The following CENPC variants were observed in gnomAD, a reference collection of about 807,000 sequenced individuals.
CENPC encodes CENP-C 1.
CENPC carries 63 observed loss-of-function variants against 112.1 expected under a neutral mutation model. The ratio of observed to expected loss-of-function variants is 0.56; its 90% confidence interval spans 0.46 to 0.69. CENPC has a LOEUF of 0.69. Ranked by LOEUF, CENPC falls within the 30% of genes least tolerant of loss-of-function variation. CENPC has a pLI of 0.00. For synonymous variants in CENPC, 333 were observed against 367.6 expected, an observed-to-expected ratio of 0.91 and a Z score of 1.08; for missense variants, 1,000 against 1,103.8, an observed-to-expected ratio of 0.91 and a Z score of 1.33.
chr4:67,536,283 T>C (rs975119668), intron 4 of CENPC, among the ~76,000 whole-genome samples: 1 of 151,928 alleles, frequency 6.6e-6, no homozygotes, highest in South Asian at 2.1e-4. Context: ...ATATAAAAAA[T>C]GCAATAGATC....
At chr4:67,482,937 G>A (rs1267617454) in intron 17 of CENPC, among the ~76,000 whole-genome samples, 1 of 152,184 alleles carries the variant, frequency 6.6e-6, no homozygotes, top group Non-Finnish European at 1.5e-5. Context: ...TGTCATGGGA[G>A]GGACCTAGTG....
At chr4:67,513,397 C>T (rs1367903108) in intron 8 of CENPC, among the ~76,000 whole-genome samples, 1 of 152,026 alleles carries the variant, frequency 6.6e-6, no homozygotes, top group African/African-American at 2.4e-5. Flanking sequence ...AATCTAGATA[C>T]AGAATATATG....
chr4:67,520,106 G>T (rs1353651289), intron 5 of CENPC, among the ~76,000 whole-genome samples: 1 of 152,162 alleles, frequency 6.6e-6, no homozygotes. Context: ...GTGAAAGACA[G>T]GGTGGAGGCT....
intron 17 of CENPC, among the ~76,000 whole-genome samples, chr4:67,489,303 G>C (rs1259087959): frequency 6.6e-6 from 1 of 151,734 alleles, no homozygotes; most frequent in African/African-American, 2.4e-5. Flanking sequence ...GAGATAAAGA[G>C]AAAGAAGGAG....
chr4:67,491,478 TATAGAGAGAGAG>T (rs1251346989), intron 16 of CENPC, among the ~76,000 whole-genome samples: 30 of 24,976 alleles, frequency 1.2e-3, no homozygotes, highest in East Asian at 3.6e-3. Context: ...TATATATATA[TATAGAGAGAGAG>T]AGAGAGAGAG....
Position 67,512,427 on chromosome 4 carries a change from A to G in CENPC, c.1587T>C (p.Asp529=), listed in dbSNP as rs1451757088. Residue 529 remains aspartate (D), a synonymous_variant, in exon 9 of 19, where the codon GAT becomes GAC. Transcript: ENST00000273853. ...TCTCCTCTGATTTTACCACCCACCAATCAGATGGACGCCTGGAAATTCTTC... is the reference window on the plus strand; with the variant it reads ...TCTCCTCTGATTTTACCACCCACCAGTCAGATGGACGCCTGGAAATTCTTC... The part of the protein sequence containing the change: ...KSRRISRRPS[D]WWVVKSEESP... 1.3e-6 allele frequency: 2 copies of G among 1,596,906 alleles called. No individual in the cohort carries two copies. Among genetic ancestry groups the G allele is most frequent in the Non-Finnish European group, 1.7e-6 (2 of 1,172,724 alleles).
intron 4 of CENPC, among the ~76,000 whole-genome samples, chr4:67,535,520 C>T (rs75158763): frequency 0.015 from 2,303 of 151,808 alleles, 55 homozygotes; most frequent in African/African-American, 0.05. Flanking sequence ...TATACTTAGA[C>T]GTTTGTCATA....
intron 18 of CENPC, 47 bp from the exon 19 acceptor site, chr4:67,472,722 A>T (rs574846542): frequency 7.0e-7 from 1 of 1,428,738 alleles, no homozygotes; most frequent in South Asian, 1.6e-5. Flanking sequence ...CATATGAATC[A>T]TTCTTTTTGA....
intron 18 of CENPC, chr4:67,474,647 G>C: frequency 2.5e-6 from 1 of 393,156 alleles, no homozygotes; most frequent in Non-Finnish European, 4.6e-6. Context: ...ACAGTGAGCT[G>C]AGATCGTGCC....
In CENPC at chr4:67,470,201, AAAT is replaced by A. The variant is rs1724617786; in HGVS notation, c.*2401_*2403del. On this transcript the variant is annotated 3_prime_UTR_variant, in exon 19 of 19. Transcript: ENST00000273853. The stretch of plus-strand genomic sequence containing the variant: ...GCTGAACAGAGTACAGAGGTGGCAA[AAAT>A]CAGACGTGGCTCTGACCAAGCAGAA... The A allele has an allele frequency of 6.6e-6, 1 of 152,208 alleles. No individual in the cohort carries two copies. Among genetic ancestry groups the A allele is most frequent in the African/African-American group, 2.4e-5 (1 of 41,432 alleles). 9.4% of individuals were successfully genotyped at this position (152,208 alleles called of 1,614,324 possible).
intron 17 of CENPC, among the ~76,000 whole-genome samples, chr4:67,475,240 G>A (rs745617927): frequency 6.6e-6 from 1 of 152,228 alleles, no homozygotes; most frequent in Non-Finnish European, 1.5e-5. Context: ...GAGAAGAAAC[G>A]AAAGAGAAGG....
chr4:67,539,716 A>G (rs1055956404), intron 4 of CENPC, 124 bp downstream of exon 4: 19 of 500,116 alleles, frequency 3.8e-5, no homozygotes, highest in Admixed American at 2.5e-4. Flanking sequence ...TAGAAAGTCA[A>G]TGGGAATATA....
At chr4:67,513,930 G>A (rs1203748993) in intron 8 of CENPC, 144 bp downstream of exon 8, 2 of 606,134 alleles carry the variant, frequency 3.3e-6, no homozygotes, top group East Asian at 6.2e-5. Flanking sequence ...AAAATAAAAA[G>A]GTTCTAGAAA....
intron 9 of CENPC, chr4:67,511,166 A>G: frequency 2.4e-6 from 1 of 415,242 alleles, no homozygotes; most frequent in African/African-American, 2.0e-5. Flanking sequence ...ATGAGAAACT[A>G]AACAAAGCAA....
intron 16 of CENPC, among the ~76,000 whole-genome samples, chr4:67,491,770 G>A (rs1241335249): frequency 6.6e-6 from 1 of 152,058 alleles, no homozygotes; most frequent in Non-Finnish European, 1.5e-5. Flanking sequence ...TGTAGGCCCA[G>A]AAGTTTGTCT....
rs182318589 is a variant in CENPC, at chr4:67,511,228, C to T, written c.1612+1174G>A. On this transcript the variant is annotated intron_variant, in intron 9 of 18. Transcript: ENST00000273853. Reference sequence around the variant, plus strand: ...TTGAACTCAGATCTCACTCCAAAATCCAAAGGCTGCAACAAAATAAATACT... The same window carrying T: ...TTGAACTCAGATCTCACTCCAAAATTCAAAGGCTGCAACAAAATAAATACT... Among the ~76,000 whole-genome samples the T allele has an allele frequency of 2.0e-5, 3 of 152,226 alleles. No individual in the cohort carries two copies. The East Asian group carries it at 5.8e-4, about 29-fold the overall frequency.
intron 17 of CENPC, among the ~76,000 whole-genome samples, chr4:67,476,555 C>A (rs1406328529): frequency 2.0e-5 from 3 of 152,186 alleles, no homozygotes; most frequent in African/African-American, 7.2e-5. Flanking sequence ...GACTTTATCT[C>A]ATAGGGTTCC....
chr4:67,506,851 C>T lies in CENPC; in HGVS notation c.1988G>A (p.Cys663Tyr), dbSNP rs760987032. 5.0e-6 allele frequency: 8 copies of T among 1,612,286 alleles called. No homozygotes were observed. The Admixed American group carries it at 5.0e-5, about 10-fold the overall frequency. ...PLKPQTSGYT[C>Y]NIPTESNLDS... ...CAAGTTTGACTCTGTTGGTATATTA[C>T]ATGTATATCCACTGGTCTGAGGCTT... The change falls in exon 11 of 19, where the codon TGT becomes TAT. Residue 663 changes from cysteine to tyrosine, a missense_variant. Coordinates refer to ENST00000273853, the MANE Select transcript of CENPC (RefSeq NM_001812.4).
Position 67,545,358 on chromosome 4 carries a change from T to G in CENPC, c.-3A>C. ...CTTACCAGACCGGACGCAGCCATGT[T>G]CCGGCCCCGCTGAGCCAGCGCAACT... is the stretch of plus-strand genomic sequence containing the variant. On this transcript the variant is annotated 5_prime_UTR_variant, in exon 1 of 19. Coordinates refer to ENST00000273853, the MANE Select transcript of CENPC (RefSeq NM_001812.4). 1.3e-6 allele frequency: 2 copies of G among 1,525,504 alleles called. No homozygotes were observed. Among genetic ancestry groups the G allele is most frequent in the Non-Finnish European group, 1.8e-6 (2 of 1,133,020 alleles). 94.5% of individuals were successfully genotyped at this position (1,525,504 alleles called of 1,614,324 possible).
Sources: gnomAD v4.1 joint callset for allele counts (sites outside exome capture counted in the v4.1 genomes callset) on GRCh38, gnomAD v4.1.1 for gene constraint, MANE v1.5 for transcripts, NCBI Gene and HGNC (gene_info 2026-07-23, HGNC 2026-07-21) for gene names.